ARHGAP10: variants seen among roughly 807,000 people sequenced by gnomAD.
The protein encoded by ARHGAP10 is rho GTPase-activating protein 10.
ARHGAP10 carries 87 observed loss-of-function variants against 108.6 expected under a neutral mutation model. The observed-to-expected ratio is 0.80, with a 90% CI of 0.67 to 0.96. ARHGAP10 has a LOEUF of 0.96. Ranked by LOEUF, ARHGAP10 falls within the 40% of genes least tolerant of loss-of-function variation. ARHGAP10 has a pLI of 0.00. For missense variants in ARHGAP10, 939 were observed against 954.5 expected (o/e 0.98, Z 0.21); for synonymous variants, 347 against 341.1 (o/e 1.02, Z -0.19).
At chr4:147,768,675 T>C (rs1055517226) in intron 1 of ARHGAP10, among the ~76,000 whole-genome samples, 1 of 152,110 alleles carries the variant, frequency 6.6e-6, no homozygotes, top group African/African-American at 2.4e-5. Context: ...ATAAATTTGG[T>C]GACAACTTTG....
chr4:147,754,545 G>T (rs950488458), intron 1 of ARHGAP10, among the ~76,000 whole-genome samples: 41 of 152,060 alleles, frequency 2.7e-4, no homozygotes, highest in African/African-American at 9.4e-4. Context: ...TAGAAATTTA[G>T]TTCCTTTGGA....
At chr4:147,737,406 C>T (rs1038364601) in intron 1 of ARHGAP10, among the ~76,000 whole-genome samples, 3 of 150,956 alleles carry the variant, frequency 2.0e-5, no homozygotes, top group Admixed American at 6.6e-5. Flanking sequence ...CCGTCCACCT[C>T]GGCCTCCCAA....
intron 19 of ARHGAP10, among the ~76,000 whole-genome samples, chr4:148,046,451 A>T (rs1349196986): frequency 6.6e-6 from 1 of 152,222 alleles, no homozygotes; most frequent in African/African-American, 2.4e-5. Flanking sequence ...AGTCCCTTTT[A>T]GAGTTGTCTA....
chr4:147,840,835 C>T (rs1171765372), intron 3 of ARHGAP10, among the ~76,000 whole-genome samples: 1 of 152,152 alleles, frequency 6.6e-6, no homozygotes, highest in Non-Finnish European at 1.5e-5. Context: ...ATCCAGCATT[C>T]CTTCTTCCTT....
At position 147,879,271 on chromosome 4, in the gene ARHGAP10, G is replaced by A; in HGVS notation, c.872G>A (p.Cys291Tyr). The A allele has an allele frequency of 6.2e-7, 1 of 1,613,962 alleles. No individual in the cohort carries two copies. The highest frequency in any genetic ancestry group is 8.5e-7 in the Non-Finnish European group (1 of 1,179,922). Residue 291 changes from cysteine to tyrosine, a missense_variant, in exon 9 of 23, where the codon TGC (cysteine) becomes TAC (tyrosine). Cys to Tyr is a radical substitution (Grantham distance 194, BLOSUM62 -2). Transcript: ENST00000336498. ...PFGSSWVKHY[C>Y]MYRKAAKKFN... is the part of the protein sequence containing the mutation. ...GGTTCCAGTTGGGTCAAACACTATT[G>A]CATGTATCGAAAAGCAGCAAAGAAG...
intron 10 of ARHGAP10, among the ~76,000 whole-genome samples, chr4:147,886,858 C>T (rs1735589638): frequency 6.6e-6 from 1 of 152,180 alleles, no homozygotes; most frequent in Non-Finnish European, 1.5e-5. Context: ...GCAACCTCCG[C>T]CTCCTGGGTT....
At chr4:147,936,336 T>TTG (rs1737934006) in intron 13 of ARHGAP10, among the ~76,000 whole-genome samples, 1 of 138,052 alleles carries the variant, frequency 7.2e-6, no homozygotes, top group Non-Finnish European at 1.6e-5. Context: ...TTTTTTTTTT[T>TTG]TTTGAGATGG....
At chr4:147,865,872 T>C (rs1165216079) in intron 6 of ARHGAP10, 2 of 152,238 alleles carry the variant, frequency 1.3e-5, no homozygotes, top group East Asian at 3.8e-4. Flanking sequence ...CTGCTTTTAT[T>C]GGGCATTTAT....
At chr4:148,066,702 A>G (rs111823428) in intron 22 of ARHGAP10, among the ~76,000 whole-genome samples, 3,920 of 152,320 alleles carry the variant, frequency 0.026, 182 homozygotes, top group African/African-American at 0.083. Context: ...CTGGGCTCAC[A>G]CCATGGCTTT....
intron 1 of ARHGAP10, among the ~76,000 whole-genome samples, chr4:147,822,164 C>T (rs1022890810): frequency 6.6e-6 from 1 of 152,204 alleles, no homozygotes; most frequent in African/African-American, 2.4e-5. Flanking sequence ...ATTCTTCCTA[C>T]CATTTCTTCT....
rs569599302 is a variant in ARHGAP10, at chr4:147,963,172, A to G, written c.1451-1852A>G. ...TTCTTCAAACTGGCCTTTGCAGACCAGAGTTGGCCTCGGGCTACCTTTCTA... is the reference window on the plus strand; with the variant it reads ...TTCTTCAAACTGGCCTTTGCAGACCGGAGTTGGCCTCGGGCTACCTTTCTA... On this transcript the variant is annotated intron_variant, in intron 16 of 22. Coordinates refer to ENST00000336498, the MANE Select transcript of ARHGAP10 (RefSeq NM_024605.4). 2.0e-5 allele frequency among the ~76,000 whole-genome samples: 3 copies of G among 152,382 alleles called. No individual in the cohort carries two copies. The South Asian group carries it at 6.2e-4, about 32-fold the overall frequency.
intron 16 of ARHGAP10, 50 bp downstream of exon 16, chr4:147,955,424 G>A (rs1006029031): frequency 4.7e-6 from 7 of 1,488,658 alleles, no homozygotes; most frequent in Non-Finnish European, 6.4e-6. Flanking sequence ...TTGGTAGTGA[G>A]CATAAACGAA....
intron 1 of ARHGAP10, among the ~76,000 whole-genome samples, chr4:147,785,361 T>C (rs1730848534): frequency 6.6e-6 from 1 of 152,126 alleles, no homozygotes; most frequent in Non-Finnish European, 1.5e-5. Flanking sequence ...TTGACATGTA[T>C]TGGTACAGAT....
At chr4:147,738,815 A>G (rs1053704261) in intron 1 of ARHGAP10, among the ~76,000 whole-genome samples, 1 of 152,206 alleles carries the variant, frequency 6.6e-6, no homozygotes, top group Non-Finnish European at 1.5e-5. Flanking sequence ...GTGACCAAGA[A>G]GAGAGACAAA....
chr4:147,767,661 G>A (rs977632128), intron 1 of ARHGAP10, among the ~76,000 whole-genome samples: 1 of 152,072 alleles, frequency 6.6e-6, no homozygotes, highest in African/African-American at 2.4e-5. Flanking sequence ...AGGCTGTAGG[G>A]TGCCATGGTC....
chr4:147,794,080 C>T (rs1731224508), intron 1 of ARHGAP10, among the ~76,000 whole-genome samples: 1 of 152,158 alleles, frequency 6.6e-6, no homozygotes, highest in South Asian at 2.1e-4. Context: ...GTGTTTTACC[C>T]TTCGGGAGCT....
At chr4:147,850,198 G>A (rs538204593) in intron 4 of ARHGAP10, among the ~76,000 whole-genome samples, 1 of 152,286 alleles carries the variant, frequency 6.6e-6, no homozygotes, top group Non-Finnish European at 1.5e-5. Flanking sequence ...TCAGCACTCT[G>A]TAAAAATGGA....
At chr4:147,862,749 A>G (rs1734379608) in intron 5 of ARHGAP10, 1 of 152,262 alleles carries the variant, frequency 6.6e-6, no homozygotes, top group Admixed American at 6.5e-5. Context: ...AAAAGATAAA[A>G]TCAAATTGAT....
At chr4:148,051,476 A>G (rs1443712882) in intron 20 of ARHGAP10, among the ~76,000 whole-genome samples, 1 of 152,202 alleles carries the variant, frequency 6.6e-6, no homozygotes, top group Non-Finnish European at 1.5e-5. Context: ...AATATCGGGC[A>G]TTGCTATCTG....
Sources: gnomAD v4.1 joint callset for allele counts (sites outside exome capture counted in the v4.1 genomes callset) on GRCh38, gnomAD v4.1.1 for gene constraint, MANE v1.5 for transcripts, NCBI Gene and HGNC (gene_info 2026-07-23, HGNC 2026-07-21) for gene names.